Variants in EYA1 observed in about 807,000 individuals in gnomAD.
The protein encoded by EYA1 is EYA transcriptional coactivator and phosphatase 1, also known as protein phosphatase EYA1.
A neutral mutation model predicts 82.0 loss-of-function variants in EYA1; 16 were observed. That is an observed-to-expected ratio of 0.20 (90% CI 0.13 to 0.30). The LOEUF is 0.30. Among genes scored for constraint, EYA1 ranks in the 10% least tolerant of loss-of-function variants. The probability of loss-of-function intolerance (pLI) is 1.00; values close to 1 mark genes in which losing one functional copy is unlikely to be tolerated. For missense variants in EYA1, 633 were observed against 730.7 expected (o/e 0.87, Z 1.54); for synonymous variants, 261 against 264.4 (o/e 0.99, Z 0.12).
intron 2 of EYA1, among the ~76,000 whole-genome samples, chr8:71,378,199 A>AT (rs1433393194): frequency 6.6e-6 from 1 of 150,784 alleles, no homozygotes; most frequent in Non-Finnish European, 1.5e-5. Context: ...CCCCCCTCCC[A>AT]CCCCCAGTCT....
intron 12 of EYA1, among the ~76,000 whole-genome samples, chr8:71,221,074 A>G (rs944424423): frequency 1.3e-5 from 2 of 152,350 alleles, no homozygotes; most frequent in South Asian, 2.1e-4. Context: ...CCTACATTCT[A>G]TTTAGCCAGA....
chr8:71,384,410 G>A (rs1410961092), intron 2 of EYA1, among the ~76,000 whole-genome samples: 1 of 152,116 alleles, frequency 6.6e-6, no homozygotes, highest in Non-Finnish European at 1.5e-5. Context: ...CTCAGATGGG[G>A]CCTGACCTGG....
intron 9 of EYA1, among the ~76,000 whole-genome samples, chr8:71,294,724 T>C (rs932833451): frequency 2.0e-5 from 3 of 152,188 alleles, no homozygotes; most frequent in African/African-American, 4.8e-5. Flanking sequence ...ACTTTGTGGA[T>C]ACTGACAAAT....
At chr8:71,383,048 C>T (rs980002639) in intron 2 of EYA1, among the ~76,000 whole-genome samples, 4 of 151,764 alleles carry the variant, frequency 2.6e-5, no homozygotes, top group African/African-American at 9.7e-5. Flanking sequence ...GGAACAGTTA[C>T]ATTACTGTAA....
intron 11 of EYA1, among the ~76,000 whole-genome samples, chr8:71,259,466 A>G (rs186943206): frequency 1.4e-4 from 21 of 152,338 alleles, no homozygotes; most frequent in African/African-American, 4.8e-4. Flanking sequence ...GAAACACGTA[A>G]GACTCATGAA....
At chr8:71,503,589 C>G (rs1811976619) in intron 2 of EYA1, among the ~76,000 whole-genome samples, 1 of 152,126 alleles carries the variant, frequency 6.6e-6, no homozygotes, top group Admixed American at 6.5e-5. Context: ...CTCTTACACA[C>G]AGTAATCTTT....
intron 2 of EYA1, among the ~76,000 whole-genome samples, chr8:71,510,543 G>T (rs897333911): frequency 6.6e-6 from 1 of 152,210 alleles, no homozygotes; most frequent in Non-Finnish European, 1.5e-5. Flanking sequence ...GGCGGGAGGA[G>T]AGAGAATGAG....
At chr8:71,347,039 T>C (rs1304249143) in intron 3 of EYA1, among the ~76,000 whole-genome samples, 4 of 152,344 alleles carry the variant, frequency 2.6e-5, no homozygotes, top group East Asian at 1.9e-4. Flanking sequence ...TATAAATGAA[T>C]GTTGTATATC....
chr8:71,436,701 G>C (rs1346636297), intron 2 of EYA1, among the ~76,000 whole-genome samples: 1 of 152,104 alleles, frequency 6.6e-6, no homozygotes, highest in Non-Finnish European at 1.5e-5. Flanking sequence ...AATCGGATTA[G>C]TCAGAACTGC....
At position 71,246,504 on chromosome 8, in the gene EYA1, C is replaced by A. The variant is rs75372643; in HGVS notation, c.1051-1812G>T. On this transcript the variant is annotated intron_variant, in intron 11 of 17. Coordinates refer to ENST00000340726, the MANE Select transcript of EYA1 (RefSeq NM_000503.6). ...AACACTCTAACTTTATCTCCAATAT[C>A]TAGACATGCCCGTGTGTTACCCCTA... Among the ~76,000 whole-genome samples the A allele has an allele frequency of 4.6e-3, 706 of 152,318 alleles. 6 individuals are homozygous for A. The highest frequency in any genetic ancestry group is 0.016 in the African/African-American group (671 of 41,570).
chr8:71,489,937 C>A (rs1810873331), intron 2 of EYA1, among the ~76,000 whole-genome samples: 1 of 152,142 alleles, frequency 6.6e-6, no homozygotes. Flanking sequence ...GCTGCCTGAG[C>A]CCAACCCTGC....
At chr8:71,543,766 T>C (rs1815337914) in intron 1 of EYA1, among the ~76,000 whole-genome samples, 1 of 152,168 alleles carries the variant, frequency 6.6e-6, no homozygotes, top group Non-Finnish European at 1.5e-5. Flanking sequence ...AGATGAGGAT[T>C]AGGAAACATA....
chr8:71,320,883 C>T (rs1822462307), intron 6 of EYA1, among the ~76,000 whole-genome samples: 1 of 152,016 alleles, frequency 6.6e-6, no homozygotes, highest in Non-Finnish European at 1.5e-5. Context: ...GTACTTGTTG[C>T]ACAGAATTAC....
intron 11 of EYA1, among the ~76,000 whole-genome samples, chr8:71,249,284 T>C (rs1424718735): frequency 1.3e-5 from 2 of 152,082 alleles, no homozygotes; most frequent in African/African-American, 4.8e-5. Flanking sequence ...TTCATGCTTC[T>C]AATAAAGACA....
intron 2 of EYA1, among the ~76,000 whole-genome samples, chr8:71,384,789 C>G (rs13275654): frequency 0.73 from 110,615 of 152,110 alleles, 41,042 homozygotes; most frequent in African/African-American, 0.83. Flanking sequence ...TTAGGAAAAT[C>G]GTTACATTCA....
intron 2 of EYA1, among the ~76,000 whole-genome samples, chr8:71,498,240 A>C (rs1381357749): frequency 6.6e-6 from 1 of 152,204 alleles, no homozygotes; most frequent in African/African-American, 2.4e-5. Flanking sequence ...TGAGGTAATG[A>C]ATATGTTAAT....
rs574542549 is a variant in EYA1, at chr8:71,294,086, G to T, written c.826+4961C>A. Reference sequence around the variant, plus strand: ...CCAAACAACTCTTGAAACCAATGAAGAAGGTTGCAGGATATAACATAATAG... The same window carrying T: ...CCAAACAACTCTTGAAACCAATGAATAAGGTTGCAGGATATAACATAATAG... On this transcript the variant is annotated intron_variant, in intron 9 of 17. Coordinates refer to ENST00000340726, the MANE Select transcript of EYA1 (RefSeq NM_000503.6). Among the ~76,000 whole-genome samples the T allele has an allele frequency of 4.0e-5, 6 of 151,026 alleles. No individual in the cohort carries two copies. The South Asian group carries it at 1.3e-3, about 32-fold the overall frequency.
intron 1 of EYA1, among the ~76,000 whole-genome samples, chr8:71,537,461 C>G (rs1411429213): frequency 6.6e-6 from 1 of 152,168 alleles, no homozygotes; most frequent in Non-Finnish European, 1.5e-5. Flanking sequence ...GTTTTCATTG[C>G]TTAAGTTACT....
chr8:71,297,277 C>T (rs753715851), intron 9 of EYA1, among the ~76,000 whole-genome samples: 2 of 152,118 alleles, frequency 1.3e-5, no homozygotes, highest in African/African-American at 4.8e-5. Context: ...CATCCCCACT[C>T]TCTCACATAG....
Sources: gnomAD v4.1 joint callset for allele counts (sites outside exome capture counted in the v4.1 genomes callset) on GRCh38, gnomAD v4.1.1 for gene constraint, MANE v1.5 for transcripts, NCBI Gene and HGNC (gene_info 2026-07-23, HGNC 2026-07-21) for gene names.